Variants in CYP4F8 observed in about 807,000 individuals in gnomAD.
CYP4F8 encodes the protein cytochrome P450 family 4 subfamily F member 8.
Under a neutral mutation model 55.0 loss-of-function variants are expected in CYP4F8, and 56 were observed. The ratio of observed to expected loss-of-function variants is 1.02; its 90% confidence interval spans 0.82 to 1.27. The LOEUF is 1.27. Among genes scored for constraint, CYP4F8 ranks in the 50% most tolerant of loss-of-function variants. The pLI is 0.00. For synonymous variants in CYP4F8, 288 were observed against 267.3 expected (o/e 1.08, Z -0.76); for missense variants, 680 against 682.4 (o/e 1.00, Z 0.04).
In CYP4F8 at chr19:15,629,197, T is replaced by G; in HGVS notation, c.1402T>G (p.Cys468Gly). ...ACCTTCCACCTTGGCCCCCAGGAAC[T>G]GCATCGGGCAGAAGTTCGCGATGGC... ...FIPFSAGPRNCIGQKFAMAEM... is the reference protein window; with the variant it reads ...FIPFSAGPRNGIGQKFAMAEM... The change falls in exon 13 of 13, where the codon TGC becomes GGC. Residue 468 changes from cysteine to glycine, a missense_variant. Coordinates refer to ENST00000612078, the MANE Select transcript of CYP4F8 (RefSeq NM_007253.4). 1.2e-6 allele frequency: 2 copies of G among 1,606,920 alleles called. No homozygotes were observed. The highest frequency in any genetic ancestry group is 1.1e-5 in the South Asian group (1 of 89,944).
At chr19:15,620,536 G>A (rs370978089) in intron 5 of CYP4F8, among the ~76,000 whole-genome samples, 28 of 152,116 alleles carry the variant, frequency 1.8e-4, no homozygotes, top group African/African-American at 6.0e-4. Flanking sequence ...AATTACAGGC[G>A]CCCACCACCA....
At position 15,628,551 on chromosome 19, in the gene CYP4F8, A is replaced by G. The variant is rs75895730; in HGVS notation, c.1270A>G (p.Ile424Val). 11 of 1,613,878 alleles carry G rather than the reference A, an allele frequency of 6.8e-6. No homozygotes were observed. The East Asian group carries it at 2.2e-4, about 33-fold the overall frequency. Residue 424 changes from isoleucine to valine, a missense_variant, in exon 11 of 13, where the codon ATC (isoleucine) becomes GTC (valine). Ile to Val is a conservative substitution (Grantham distance 29). Transcript: ENST00000612078. ...GACAGGGAATGTCTGTAACATCAAC[A>G]TCTTCGCAATCCATCACAACCCCTC... ...IPKGNVCNIN[I>V]FAIHHNPSVW...
In CYP4F8 at chr19:15,629,251, C is replaced by T; in HGVS notation, c.1456C>T (p.Leu486=). The change falls in exon 13 of 13, where the codon CTG becomes TTG. Residue 486 remains leucine, a synonymous_variant. Coordinates refer to ENST00000612078, the MANE Select transcript of CYP4F8 (RefSeq NM_007253.4). The part of the protein sequence containing the change: ...AEMKVVLALT[L]LRFRILPDHR... ...GATGAAGGTGGTCCTGGCGCTCACG[C>T]TGCTGCGCTTCCGCATCCTGCCCGA... is the stretch of plus-strand genomic sequence containing the variant. 6.2e-7 allele frequency: 1 copy of T among 1,613,484 alleles called. No individual in the cohort carries two copies. Among genetic ancestry groups the T allele is most frequent in the Non-Finnish European group, 8.5e-7 (1 of 1,179,778 alleles).
intron 2 of CYP4F8, among the ~76,000 whole-genome samples, chr19:15,616,385 C>T (rs935090726): frequency 3.9e-5 from 6 of 152,104 alleles, no homozygotes; most frequent in Non-Finnish European, 8.8e-5. Context: ...CACCCCTAGA[C>T]TGTTTTGAAT....
chr19:15,622,990 G>A (rs1419993063), intron 6 of CYP4F8, 115 bp from the exon 7 acceptor site: 51 of 1,254,560 alleles, frequency 4.1e-5, no homozygotes, highest in South Asian at 1.2e-4. Flanking sequence ...AGTGAAGTGC[G>A]CTTGCAGGAC....
intron 3 of CYP4F8, chr19:15,618,771 C>T (rs938275998): frequency 4.3e-5 from 9 of 209,342 alleles, no homozygotes; most frequent in Non-Finnish European, 7.8e-5. Context: ...TCTTGTGGGT[C>T]GATTCCTTCT....
intron 1 of CYP4F8, 26 bp from the exon 2 acceptor site, chr19:15,615,590 C>T: frequency 6.2e-7 from 1 of 1,610,554 alleles, no homozygotes; most frequent in South Asian, 1.1e-5. Flanking sequence ...CTCAGGACCT[C>T]ACCCTCCATC....
chr19:15,618,382 C>A lies in CYP4F8; in HGVS notation c.343+238C>A, dbSNP rs1972151527. ...GGGAACCACTGGGGCCCCGAGAAGC[C>A]TTAATCCAAGGCCCTGTCCTGGAGG... is the stretch of plus-strand genomic sequence containing the variant. On this transcript the variant is annotated intron_variant, in intron 3 of 12. Coordinates refer to ENST00000612078, the MANE Select transcript of CYP4F8 (RefSeq NM_007253.4). 5 of 675,350 alleles carry A rather than the reference C, an allele frequency of 7.4e-6. No homozygotes were observed. In the East Asian group the frequency reaches 1.6e-4, roughly 21 times the overall value. The allele number at this position is 675,350 out of a possible 1,614,324, so 41.8% of individuals were successfully genotyped here.
chr19:15,619,625 G>A lies in CYP4F8; in HGVS notation c.398-10G>A. 6.2e-7 allele frequency: 1 copy of A among 1,614,206 alleles called. No homozygotes were observed. The highest frequency in any genetic ancestry group is 8.5e-7 in the Non-Finnish European group (1 of 1,180,016). On this transcript the variant is annotated splice_polypyrimidine_tract_variant and intron_variant, in intron 4 of 12. Transcript: ENST00000612078. ...CTGCCCTTGCCCACAGCCTTTGGCT[G>A]CCGTACTAGGGGATGGGCTCTTGTT...
At chr19:15,622,003 G>T in intron 5 of CYP4F8, 1 of 538,478 alleles carries the variant, frequency 1.9e-6, no homozygotes, top group East Asian at 3.7e-5. Context: ...ACACAGCTTA[G>T]GAATCACAGC....
At chr19:15,615,586 A>C (rs1972104032) in intron 1 of CYP4F8, 30 bp from the exon 2 acceptor site, 1 of 1,609,156 alleles carries the variant, frequency 6.2e-7, no homozygotes, top group Admixed American at 1.7e-5. Flanking sequence ...AGGCCTCAGG[A>C]CCTCACCCTC....
chr19:15,629,814 C>A lies in CYP4F8; in HGVS notation c.*456C>A, dbSNP rs1355854554. 1.3e-5 allele frequency: 2 copies of A among 153,500 alleles called. No individual in the cohort carries two copies. The highest frequency in any genetic ancestry group is 4.8e-5 in the African/African-American group (2 of 41,396). The allele number at this position is 153,500 out of a possible 1,614,324, so 9.5% of individuals were successfully genotyped here. A position where few individuals can be genotyped will look rare whatever the true frequency, so the allele number is the denominator to read the frequency against. On this transcript the variant is annotated 3_prime_UTR_variant, in exon 13 of 13. Coordinates refer to ENST00000612078, the MANE Select transcript of CYP4F8 (RefSeq NM_007253.4). ...AAAGATTATGTGGTAATTCTGGTAACCTTTCTTAAGAGAAAGCTGCTACAG... is the reference window on the plus strand; with the variant it reads ...AAAGATTATGTGGTAATTCTGGTAAACTTTCTTAAGAGAAAGCTGCTACAG...
chr19:15,628,306 G>C lies in CYP4F8; in HGVS notation c.1120G>C (p.Asp374His), dbSNP rs1003375838. 2 of 1,613,904 alleles carry C rather than the reference G, an allele frequency of 1.2e-6. No individual in the cohort carries two copies. The highest frequency in any genetic ancestry group is 1.3e-5 in the African/African-American group (1 of 74,886). The change falls in exon 10 of 13, where the codon GAC becomes CAC. Residue 374 changes from aspartate (D) to histidine (H), a missense_variant. Transcript: ENST00000612078. ...DREPKEIEWDDLAQLPFLTMC... is the reference protein window; with the variant it reads ...DREPKEIEWDHLAQLPFLTMC... ...AATTGTTGGGTGTTTCCTTAGGGAC[G>C]ACCTGGCCCAGTTGCCCTTCCTGAC... is the stretch of plus-strand genomic sequence containing the variant.
chr19:15,616,945 TC>T (rs879600231), intron 2 of CYP4F8, among the ~76,000 whole-genome samples: 2 of 152,046 alleles, frequency 1.3e-5, no homozygotes, highest in Non-Finnish European at 2.9e-5. Flanking sequence ...CAAAAGGTGC[TC>T]CCTGGTGAGA....
intron 3 of CYP4F8, chr19:15,618,448 C>T: frequency 2.4e-5 from 11 of 467,128 alleles, no homozygotes; most frequent in South Asian, 2.1e-4. Flanking sequence ...CAGAGACATC[C>T]CCAACTTCAT....
In CYP4F8 at chr19:15,630,326, C is replaced by G. The variant is rs2144614979; in HGVS notation, c.*968C>G. On this transcript the variant is annotated 3_prime_UTR_variant, in exon 13 of 13. Coordinates refer to ENST00000612078, the MANE Select transcript of CYP4F8 (RefSeq NM_007253.4). ...CAGCTTTTCCCCCTCCCTGCTTCCC[C>G]TGTCTAGTAGTCCCCAGGATCTGTT... The G allele has an allele frequency of 6.6e-6, 1 of 152,302 alleles. No homozygotes were observed. Among genetic ancestry groups the G allele is most frequent in the South Asian group, 2.1e-4 (1 of 4,830 alleles). The allele number at this position is 152,302 out of a possible 1,614,324, so 9.4% of individuals were successfully genotyped here. A position where few individuals can be genotyped will look rare whatever the true frequency, so the allele number is the denominator to read the frequency against.
intron 5 of CYP4F8, chr19:15,621,992 C>T: frequency 2.0e-6 from 1 of 491,156 alleles, no homozygotes; most frequent in East Asian, 4.1e-5. Context: ...ACCAAGGGTA[C>T]ACACAGCTTA....
At chr19:15,622,783 G>A (rs1972210907) in intron 6 of CYP4F8, 1 of 440,692 alleles carries the variant, frequency 2.3e-6, no homozygotes, top group Non-Finnish European at 4.2e-6. Flanking sequence ...TGACTGTCAT[G>A]TAGACACAGC....
In CYP4F8 at chr19:15,623,093, C is replaced by T. The variant is rs371664303; in HGVS notation, c.648-12C>T. The T allele has an allele frequency of 5.6e-6, 9 of 1,610,198 alleles. No homozygotes were observed. In the African/African-American group the frequency reaches 9.4e-5, roughly 17 times the overall value. On this transcript the variant is annotated splice_polypyrimidine_tract_variant and intron_variant, in intron 6 of 12. Coordinates refer to ENST00000612078, the MANE Select transcript of CYP4F8 (RefSeq NM_007253.4). Reference sequence around the variant, plus strand: ...TAAGGAGCTGCTTCCTCTCTCTGGACTGGCCCTGCAGGAAGCCCAGTGAAT... The same window carrying T: ...TAAGGAGCTGCTTCCTCTCTCTGGATTGGCCCTGCAGGAAGCCCAGTGAAT...
Sources: allele counts gnomAD v4.1 joint callset (sites outside exome capture counted in the v4.1 genomes callset), GRCh38; gene constraint gnomAD v4.1.1; transcripts MANE v1.5; gene names NCBI Gene and HGNC (gene_info 2026-07-23, HGNC 2026-07-21).